The following PASK variants were observed in gnomAD, a reference collection of about 807,000 sequenced individuals.
PASK encodes PAS domain containing serine/threonine kinase, also known as PAS domain-containing serine/threonine-protein kinase.
PASK carries 110 observed loss-of-function variants against 121.0 expected under a neutral mutation model. The observed-to-expected ratio is 0.91, with a 90% CI of 0.78 to 1.06. PASK has a LOEUF of 1.06. Ranked by LOEUF, PASK falls within the 50% of genes least tolerant of loss-of-function variation. PASK has a pLI of 0.00. For synonymous variants in PASK, 686 were observed against 717.8 expected (o/e 0.96, Z 0.71); for missense variants, 1,643 against 1,702.3 (o/e 0.97, Z 0.61).
At chr2:241,117,392 C>A (rs539364617) in intron 12 of PASK, among the ~76,000 whole-genome samples, 1 of 151,886 alleles carries the variant, frequency 6.6e-6, no homozygotes, top group African/African-American at 2.4e-5. Context: ...CAGAAGCCTC[C>A]GGGAGGGCGG....
At chr2:241,114,077 A>C in intron 14 of PASK, 2 of 985,262 alleles carry the variant, frequency 2.0e-6, no homozygotes, top group Non-Finnish European at 2.4e-6. Context: ...TTAACAAGCG[A>C]CCCTCAACAT....
intron 15 of PASK, among the ~76,000 whole-genome samples, chr2:241,111,198 C>G (rs2065097699): frequency 6.6e-6 from 1 of 152,244 alleles, no homozygotes; most frequent in South Asian, 2.1e-4. Flanking sequence ...AGCAAATGCC[C>G]TGGCCTCAGG....
chr2:241,136,028 G>T lies in PASK; in HGVS notation c.1149C>A (p.Phe383Leu). The stretch of plus-strand genomic sequence containing the variant: ...TGTAGCTGTAGAAACCAGGAATCAG[G>T]AAAGTGATATTCTAGAAAACAAAGC... ...KTELLGKNIT[F>L]LIPGFYSYMD... The change falls in exon 8 of 18, where the codon TTC becomes TTA. Residue 383 changes from phenylalanine (F) to leucine (L), a missense_variant. Transcript: ENST00000234040. The T allele has an allele frequency of 6.2e-7, 1 of 1,613,980 alleles. No homozygotes were observed.
intron 12 of PASK, among the ~76,000 whole-genome samples, chr2:241,118,074 A>C (rs1008847599): frequency 1.3e-5 from 2 of 152,198 alleles, no homozygotes; most frequent in African/African-American, 4.8e-5. Flanking sequence ...TAAGATGACA[A>C]TACTCTCCAA....
At chr2:241,132,526 C>CA (rs2066203813) in intron 9 of PASK, among the ~76,000 whole-genome samples, 1 of 41,686 alleles carries the variant, frequency 2.4e-5, no homozygotes, top group African/African-American at 1.5e-4. Flanking sequence ...GAGACTCTGT[C>CA]TAAAAAAAAA....
At chr2:241,149,807 A>T, upstream of PASK, 1 of 1,531,798 alleles carries the variant, frequency 6.5e-7, no homozygotes, top group Non-Finnish European at 8.7e-7. Context: ...GGGTAGACGA[A>T]GGCTGCAGCG....
At chr2:241,134,965 C>A (rs559254290) in intron 8 of PASK, among the ~76,000 whole-genome samples, 3 of 152,342 alleles carry the variant, frequency 2.0e-5, no homozygotes, top group African/African-American at 7.2e-5. Flanking sequence ...GGCGCACCCC[C>A]ACCCCATGCT....
intron 14 of PASK, chr2:241,114,573 C>A: frequency 9.8e-7 from 1 of 1,017,362 alleles, no homozygotes; most frequent in African/African-American, 1.7e-5. Flanking sequence ...TGTAATTAGA[C>A]ACGAAACAGA....
upstream of PASK, chr2:241,149,929 C>G: frequency 7.0e-7 from 1 of 1,430,030 alleles, no homozygotes; most frequent in East Asian, 2.5e-5. Flanking sequence ...CCGCCTGCTC[C>G]GAGCGTCAAG....
rs1174590749 is a variant in PASK at position 241,112,032 on chromosome 2, AATT to A, written c.3533+205_3533+207del. Reference sequence around the variant, plus strand: ...AAACAAATAAAAGCTGAGAAAATAAAATTATTAACTCCTATATCCATCGCCCAG... The same window carrying A: ...AAACAAATAAAAGCTGAGAAAATAAAATTAACTCCTATATCCATCGCCCAG... On this transcript the variant is annotated intron_variant, in intron 15 of 17. Coordinates refer to ENST00000234040, the MANE Select transcript of PASK (RefSeq NM_015148.4). The surrounding 1 kb of genome is among the most constrained non-coding windows in gnomAD (Gnocchi z 5.2). 2.0e-5 allele frequency among the ~76,000 whole-genome samples: 3 copies of A among 152,158 alleles called. No homozygotes were observed. The highest frequency in any genetic ancestry group is 4.2e-4 in the South Asian group (2 of 4,818).
chr2:241,137,597 C>T (rs1483827880), intron 6 of PASK, among the ~76,000 whole-genome samples: 1 of 152,206 alleles, frequency 6.6e-6, no homozygotes, highest in Non-Finnish European at 1.5e-5. Flanking sequence ...ACGCCACTGG[C>T]AACTGTGCCA....
intron 12 of PASK, among the ~76,000 whole-genome samples, chr2:241,116,750 A>C (rs930080949): frequency 2.6e-5 from 4 of 152,240 alleles, no homozygotes; most frequent in Admixed American, 6.5e-5. Flanking sequence ...TGGTCGCCCA[A>C]CACAACGCCT....
At chr2:241,149,653 G>A, upstream of PASK, 1 of 1,542,092 alleles carries the variant, frequency 6.5e-7, no homozygotes, top group Non-Finnish European at 8.7e-7. Context: ...AATAATGGGC[G>A]CCTCCGCCCC....
chr2:241,112,736 C>T lies in PASK; in HGVS notation c.3334-297G>A. ...AAAGCTTCCCAGCAGACACTCGCCC[C>T]CACCAACGCACACCATGCCTATTTC... On this transcript the variant is annotated intron_variant, in intron 14 of 17. Transcript: ENST00000234040. This position sits in a 1 kb window ranked among gnomAD's most constrained non-coding sequence, Gnocchi z 5.2. 5.3e-6 allele frequency: 2 copies of T among 376,542 alleles called. No homozygotes were observed. Among genetic ancestry groups the T allele is most frequent in the Non-Finnish European group, 5.0e-6 (1 of 201,802 alleles). The allele number at this position is 376,542 out of a possible 1,614,324, so 23.3% of individuals were successfully genotyped here.
At position 241,133,001 on chromosome 2, in the gene PASK, C is replaced by G; in HGVS notation, c.1336G>C (p.Gly446Arg). The change falls in exon 9 of 18, where the codon GGC becomes CGC. Residue 446 changes from glycine to arginine, a missense_variant. By Grantham distance (125) the Gly-to-Arg change is moderately radical. Coordinates refer to ENST00000234040, the MANE Select transcript of PASK (RefSeq NM_015148.4). ...DPRINVVLAG[G>R]HVVPRDEIRK... ...ATCTCATCTCGGGGCACAACGTGGC[C>G]ACCAGCAAGCACGACATTAATCCTT... 1 of 1,614,102 alleles carries G rather than the reference C, an allele frequency of 6.2e-7. No individual in the cohort carries two copies. Among genetic ancestry groups the G allele is most frequent in the South Asian group, 1.1e-5 (1 of 91,082 alleles).
At chr2:241,137,928 C>T (rs1198514100) in intron 6 of PASK, 25 bp downstream of exon 6, 17 of 1,613,302 alleles carry the variant, frequency 1.1e-5, no homozygotes, top group Non-Finnish European at 1.4e-5. Flanking sequence ...CCCCATCACA[C>T]AGTGCGGGAG....
intron 9 of PASK, among the ~76,000 whole-genome samples, chr2:241,132,547 A>G (rs954817710): frequency 6.6e-6 from 1 of 151,010 alleles, no homozygotes; most frequent in African/African-American, 2.4e-5. Flanking sequence ...AAAAAAAAAA[A>G]AAAAAAAGAA....
At chr2:241,115,721 A>C (rs1459943876) in intron 12 of PASK, among the ~76,000 whole-genome samples, 1 of 114,878 alleles carries the variant, frequency 8.7e-6, no homozygotes, top group African/African-American at 4.4e-5. Context: ...CACCGGGGCC[A>C]CCCGGTCCCC....
Position 241,138,570 on chromosome 2 carries a change from T to A in PASK, c.741+84A>T, listed in dbSNP as rs185190604. On this transcript the variant is annotated intron_variant, in intron 5 of 17. Transcript: ENST00000234040. The stretch of plus-strand genomic sequence containing the variant: ...CATCCTCTCTTTCTTCCCAAAGGAA[T>A]GAGACAGGGACCAGCACTTGCTGAA... The A allele has an allele frequency of 1.7e-4, 246 of 1,477,130 alleles. 3 individuals are homozygous for A. The East Asian group carries it at 1.9e-3, about 11-fold the overall frequency. The allele number at this position is 1,477,130 out of a possible 1,614,324, so 91.5% of individuals were successfully genotyped here.
Sources: allele counts gnomAD v4.1 joint callset (sites outside exome capture counted in the v4.1 genomes callset), GRCh38; gene constraint gnomAD v4.1.1; non-coding constraint Gnocchi (gnomAD v3.1); transcripts MANE v1.5; gene names NCBI Gene and HGNC (gene_info 2026-07-23, HGNC 2026-07-21).